Variants in XXYLT1 observed in about 807,000 individuals in gnomAD.
The protein encoded by XXYLT1 is xyloside xylosyltransferase 1.
XXYLT1 carries 20 observed loss-of-function variants against 28.9 expected under a neutral mutation model. The ratio of observed to expected loss-of-function variants is 0.69; its 90% confidence interval spans 0.49 to 1.00. XXYLT1 has a LOEUF of 1.00. Ranked by LOEUF, XXYLT1 falls within the 50% of genes least tolerant of loss-of-function variation. The probability of loss-of-function intolerance (pLI) is 0.00; values close to 1 mark genes in which losing one functional copy is unlikely to be tolerated. For missense variants in XXYLT1, 542 were observed against 560.1 expected (o/e 0.97, Z 0.33); for synonymous variants, 257 against 253.8 (o/e 1.01, Z -0.12).
chr3:195,223,922 C>T (rs1328454529), intron 2 of XXYLT1, among the ~76,000 whole-genome samples: 5 of 151,998 alleles, frequency 3.3e-5, no homozygotes, highest in South Asian at 2.1e-4. Flanking sequence ...TTTGGGAGGC[C>T]GAGGCGGGCG....
chr3:195,188,931 G>A (rs1420879218), intron 2 of XXYLT1, among the ~76,000 whole-genome samples: 1 of 152,142 alleles, frequency 6.6e-6, no homozygotes, highest in Non-Finnish European at 1.5e-5. Context: ...TAAGCTCGGC[G>A]CTAGCTTTCA....
chr3:195,118,400 C>G (rs879685726), intron 3 of XXYLT1, among the ~76,000 whole-genome samples: 2 of 152,354 alleles, frequency 1.3e-5, no homozygotes, highest in East Asian at 3.9e-4. Flanking sequence ...CGTGACTACA[C>G]AATGACTGCC....
chr3:195,131,678 G>A (rs1000460507), intron 3 of XXYLT1, among the ~76,000 whole-genome samples: 4 of 152,146 alleles, frequency 2.6e-5, no homozygotes, highest in South Asian at 2.1e-4. Flanking sequence ...GCACAAGCAG[G>A]GGCAGGGCCA....
intron 3 of XXYLT1, among the ~76,000 whole-genome samples, chr3:195,099,313 T>A (rs556729082): frequency 3.9e-5 from 6 of 152,270 alleles, no homozygotes; most frequent in African/African-American, 1.2e-4. Flanking sequence ...TGGACAGCCA[T>A]GATCTGTGTC....
intron 3 of XXYLT1, among the ~76,000 whole-genome samples, chr3:195,100,349 G>A (rs1392295022): frequency 6.6e-6 from 1 of 152,156 alleles, no homozygotes; most frequent in Non-Finnish European, 1.5e-5. Context: ...GGTACAGCAG[G>A]AGTTTTACCC....
At chr3:195,071,616 A>G (rs1248643341) in intron 3 of XXYLT1, among the ~76,000 whole-genome samples, 1 of 152,154 alleles carries the variant, frequency 6.6e-6, no homozygotes, top group Non-Finnish European at 1.5e-5. Flanking sequence ...GGCAAAAATA[A>G]GCTTCTCAAG....
chr3:195,270,446 G>A (rs897717658), intron 1 of XXYLT1, 109 bp downstream of exon 1: 27 of 1,342,588 alleles, frequency 2.0e-5, no homozygotes, highest in Non-Finnish European at 2.4e-5. Flanking sequence ...GGGCAGCTCA[G>A]GGAAGATCCT....
chr3:195,105,486 C>T (rs1717032478), intron 3 of XXYLT1, among the ~76,000 whole-genome samples: 1 of 152,196 alleles, frequency 6.6e-6, no homozygotes, highest in African/African-American at 2.4e-5. Flanking sequence ...GGCAAAGGGC[C>T]ACGTGAAGTC....
At chr3:195,198,766 G>A (rs1400096044) in intron 2 of XXYLT1, among the ~76,000 whole-genome samples, 1 of 152,114 alleles carries the variant, frequency 6.6e-6, no homozygotes, top group Non-Finnish European at 1.5e-5. Context: ...CCGTTCTACA[G>A]TGTTCACAAG....
chr3:195,181,967 A>G (rs1403279330), intron 2 of XXYLT1, among the ~76,000 whole-genome samples: 1 of 151,792 alleles, frequency 6.6e-6, no homozygotes, highest in Non-Finnish European at 1.5e-5. Flanking sequence ...CTCAACAAAC[A>G]CTCCAGTTCT....
intron 3 of XXYLT1, among the ~76,000 whole-genome samples, chr3:195,132,063 G>A (rs1718932716): frequency 6.6e-6 from 1 of 152,096 alleles, no homozygotes; most frequent in Non-Finnish European, 1.5e-5. Context: ...GAACCCAGTG[G>A]GGTCCCTCAG....
chr3:195,088,204 G>A (rs1042211241), intron 3 of XXYLT1, among the ~76,000 whole-genome samples: 26 of 151,614 alleles, frequency 1.7e-4, no homozygotes, highest in Non-Finnish European at 3.2e-4. Context: ...AGGCCTGCCT[G>A]CCTCTGTAGG....
At chr3:195,160,969 C>G (rs1560127826) in intron 2 of XXYLT1, among the ~76,000 whole-genome samples, 1 of 152,216 alleles carries the variant, frequency 6.6e-6, no homozygotes, top group Non-Finnish European at 1.5e-5. Context: ...CACAGGGCAG[C>G]TGGCTCACTA....
intron 1 of XXYLT1, among the ~76,000 whole-genome samples, chr3:195,244,141 C>T (rs1577190442): frequency 6.6e-6 from 1 of 152,330 alleles, no homozygotes; most frequent in South Asian, 2.1e-4. Flanking sequence ...TGCAAGATTG[C>T]CATTGTGTCA....
chr3:195,269,684 C>T (rs1373041379), intron 1 of XXYLT1, among the ~76,000 whole-genome samples: 1 of 152,190 alleles, frequency 6.6e-6, no homozygotes, highest in Non-Finnish European at 1.5e-5. Flanking sequence ...AGCATGCTTC[C>T]CCAACCAACA....
At position 195,098,869 on chromosome 3, in the gene XXYLT1, G is replaced by A. The variant is rs557206963; in HGVS notation, c.786-28758C>T. ...CTGGGCCTCCTGGCCTGCAGCCTGG[G>A]GTCTCCAAGCTGCCTCAGGGCTTTC... On this transcript the variant is annotated intron_variant, in intron 3 of 3. Transcript: ENST00000310380. 1.1e-3 allele frequency among the ~76,000 whole-genome samples: 167 copies of A among 152,300 alleles called. 2 individuals are homozygous for A. Among genetic ancestry groups the A allele is most frequent in the African/African-American group, 3.8e-3 (156 of 41,572 alleles).
chr3:195,107,761 G>A (rs1426301733), intron 3 of XXYLT1, among the ~76,000 whole-genome samples: 11 of 151,760 alleles, frequency 7.2e-5, no homozygotes, highest in Admixed American at 2.6e-4. Context: ...CGCTTCTGGC[G>A]GGGATCCAGC....
rs540730942 is a variant in XXYLT1 at position 195,257,865 on chromosome 3, G to A, written c.504+12690C>T. On this transcript the variant is annotated intron_variant, in intron 1 of 3. Transcript: ENST00000310380. This position sits in a 1 kb window ranked among gnomAD's most constrained non-coding sequence, Gnocchi z 4.3. ...GGTGGGCAGGTCACATGCTACCCAC[G>A]TATCATGGGTGTATATCCTCCAAGC... is the stretch of plus-strand genomic sequence containing the variant. Among the ~76,000 whole-genome samples the A allele has an allele frequency of 3.7e-3, 558 of 152,070 alleles. 1 individual carries two copies. Among genetic ancestry groups the A allele is most frequent in the African/African-American group, 0.012 (509 of 41,486 alleles).
intron 1 of XXYLT1, among the ~76,000 whole-genome samples, chr3:195,243,768 T>C (rs1724883912): frequency 6.6e-6 from 1 of 152,236 alleles, no homozygotes; most frequent in Non-Finnish European, 1.5e-5. Context: ...ACAGTCATAA[T>C]GGACGTGCAG....
Sources: allele counts gnomAD v4.1 joint callset (sites outside exome capture counted in the v4.1 genomes callset), GRCh38; gene constraint gnomAD v4.1.1; non-coding constraint Gnocchi (gnomAD v3.1); transcripts MANE v1.5; gene names NCBI Gene and HGNC (gene_info 2026-07-23, HGNC 2026-07-21).